PRKX: variants seen among roughly 807,000 people sequenced by gnomAD.
The protein encoded by PRKX is protein kinase cAMP-dependent X-linked catalytic subunit, also known as cAMP-dependent protein kinase catalytic subunit PRKX.
A neutral mutation model predicts 22.0 loss-of-function variants in PRKX; 12 were observed. The ratio of observed to expected loss-of-function variants is 0.54; its 90% CI spans 0.35 to 0.88. The LOEUF is 0.88. Among genes scored for constraint, PRKX ranks in the 40% least tolerant of loss-of-function variants. PRKX has a pLI of 0.01. For synonymous variants in PRKX, 134 were observed against 137.7 expected, an observed-to-expected ratio of 0.97 and a Z score of 0.19; for missense variants, 217 against 308.0, an observed-to-expected ratio of 0.70 and a Z score of 2.21.
intron 1 of PRKX, among the ~76,000 whole-genome samples, chrX:3,701,139 T>C (rs1928561010): frequency 9.0e-6 from 1 of 110,556 alleles, no homozygotes; most frequent in African/African-American, 3.3e-5. Flanking sequence ...TTCAGAATGT[T>C]GCTCTGTCAC....
At chrX:3,625,273 C>A (rs761983471) in intron 5 of PRKX, among the ~76,000 whole-genome samples, 186 of 111,781 alleles carry the variant, frequency 1.7e-3, no homozygotes, top group African/African-American at 5.6e-3. Context: ...CGTTCACCAC[C>A]AAGAAACTCA....
chrX:3,642,048 T>G, intron 3 of PRKX, 77 bp from the exon 4 acceptor site: 1 of 768,278 alleles, frequency 1.3e-6, no homozygotes, highest in Non-Finnish European at 1.9e-6. Flanking sequence ...AAGCTCTGAT[T>G]GTTACAATAA....
rs187451196 is a variant in PRKX, at chrX:3,709,833, G to C, written c.166+3255C>G. On this transcript the variant is annotated intron_variant, in intron 1 of 8. Transcript: ENST00000262848. ...AGAGAGGATCTCGCTCTATCACCCA[G>C]GCTGGAGTACGGTGGCGCGATTGTG... 3.6e-5 allele frequency among the ~76,000 whole-genome samples: 4 copies of C among 110,472 alleles called. No homozygotes were observed. In the East Asian group the frequency reaches 1.1e-3, roughly 31 times the overall value.
chrX:3,675,943 C>T (rs55852694), intron 1 of PRKX, among the ~76,000 whole-genome samples: 10,798 of 110,869 alleles, frequency 0.097, 488 homozygotes, highest in Middle Eastern at 0.14. Flanking sequence ...GGGGGTCACA[C>T]TGCGTTGCTC....
intron 1 of PRKX, among the ~76,000 whole-genome samples, chrX:3,681,157 G>C (rs913360576): frequency 2.2e-4 from 25 of 112,009 alleles, no homozygotes; most frequent in South Asian, 3.7e-4. Flanking sequence ...TGAGGTCAGA[G>C]GACTGCTTGA....
At chrX:3,642,932 A>G (rs1433427090) in intron 3 of PRKX, among the ~76,000 whole-genome samples, 4 of 91,518 alleles carry the variant, frequency 4.4e-5, no homozygotes, top group African/African-American at 1.7e-4. Context: ...CAGGAGGCGG[A>G]GGTTGCAGTG....
chrX:3,638,385 A>G lies in PRKX; in HGVS notation c.719+3467T>C, dbSNP rs765691610. On this transcript the variant is annotated intron_variant, in intron 4 of 8. Coordinates refer to ENST00000262848, the MANE Select transcript of PRKX (RefSeq NM_005044.5). ...AATAGTCTACTCTATCCTAGAATCAATAAAATTTGGGGCACACGAACCTCA... is the reference window on the plus strand; with the variant it reads ...AATAGTCTACTCTATCCTAGAATCAGTAAAATTTGGGGCACACGAACCTCA... Among the ~76,000 whole-genome samples the G allele has an allele frequency of 3.7e-3, 413 of 111,707 alleles. 2 individuals carry two copies. The highest frequency in any genetic ancestry group is 6.0e-3 in the Non-Finnish European group (317 of 53,131).
chrX:3,707,045 T>C (rs373437352), intron 1 of PRKX, among the ~76,000 whole-genome samples: 11 of 111,791 alleles, frequency 9.8e-5, no homozygotes, highest in African/African-American at 3.6e-4. Context: ...GAAGATTGCT[T>C]GAGCCTGGGA....
intron 3 of PRKX, among the ~76,000 whole-genome samples, chrX:3,653,527 G>C (rs1387317618): frequency 9.6e-6 from 1 of 104,670 alleles, no homozygotes; most frequent in African/African-American, 3.5e-5. Flanking sequence ...GGGTATGTCT[G>C]TGTGTTTCCA....
intron 1 of PRKX, among the ~76,000 whole-genome samples, chrX:3,688,014 T>C (rs763357177): frequency 8.9e-6 from 1 of 112,068 alleles, no homozygotes; most frequent in South Asian, 3.7e-4. Flanking sequence ...ATGCCTGTAA[T>C]CCCAGCTACT....
At chrX:3,696,927 C>T (rs1490752639) in intron 1 of PRKX, among the ~76,000 whole-genome samples, 3 of 111,899 alleles carry the variant, frequency 2.7e-5, no homozygotes, top group African/African-American at 9.8e-5. Context: ...GGCTGAGGCA[C>T]GAGAATCACT....
intron 6 of PRKX, among the ~76,000 whole-genome samples, chrX:3,617,211 G>A (rs1340676183): frequency 1.9e-5 from 2 of 106,360 alleles, no homozygotes; most frequent in Admixed American, 1.0e-4. Context: ...ATACATACAC[G>A]TTAATATATA....
In PRKX at chrX:3,607,977, G is replaced by T. The variant is rs1396655547; in HGVS notation, c.*992C>A. The T allele has an allele frequency of 1.9e-5, 2 of 103,924 alleles. No individual in the cohort carries two copies. The highest frequency in any genetic ancestry group is 3.9e-5 in the Non-Finnish European group (2 of 51,037). 8.6% of individuals were successfully genotyped at this position (103,924 alleles called of 1,213,427 possible). On this transcript the variant is annotated 3_prime_UTR_variant, in exon 9 of 9. Transcript: ENST00000262848. Reference sequence around the variant, plus strand: ...ATCACTGCGGCCTGGACCTCCCCAGGCTCAAGTGATCCTCTCATCTCAGCC... The same window carrying T: ...ATCACTGCGGCCTGGACCTCCCCAGTCTCAAGTGATCCTCTCATCTCAGCC...
At chrX:3,689,507 G>A (rs181636714) in intron 1 of PRKX, among the ~76,000 whole-genome samples, 4 of 111,671 alleles carry the variant, frequency 3.6e-5, no homozygotes, top group Non-Finnish European at 7.5e-5. Flanking sequence ...ACGAGACCCC[G>A]TCTCTATTAA....
intron 4 of PRKX, among the ~76,000 whole-genome samples, chrX:3,633,235 G>C (rs1167207030): frequency 1.2e-5 from 1 of 85,325 alleles, no homozygotes; most frequent in Non-Finnish European, 2.3e-5. Context: ...TCTGGACACA[G>C]AACAAGACCC....
chrX:3,640,697 G>C (rs111295953), intron 4 of PRKX, among the ~76,000 whole-genome samples: 2,039 of 111,431 alleles, frequency 0.018, 25 homozygotes, highest in Non-Finnish European at 0.029. Context: ...AAATGAGGCT[G>C]AGACCTACTG....
chrX:3,613,494 G>GT (rs1010894215), intron 7 of PRKX, among the ~76,000 whole-genome samples: 1 of 109,600 alleles, frequency 9.1e-6, no homozygotes, highest in Non-Finnish European at 1.9e-5. Context: ...TATTCAAATT[G>GT]TTTTTTTAAT....
At position 3,621,331 on chromosome X, in the gene PRKX, G is replaced by GA; in HGVS notation, c.816-16dup. 7 of 1,168,238 alleles carry GA rather than the reference G, an allele frequency of 6.0e-6. No homozygotes were observed. The Admixed American group carries it at 7.2e-5, about 12-fold the overall frequency. On this transcript the variant is annotated splice_polypyrimidine_tract_variant and intron_variant, in intron 5 of 8. Transcript: ENST00000262848. ...TAATGAGGTCTCTATGTTGGGGAAG[G>GA]AGACAAAAAAAAAAAAAGTACACAG...
In PRKX at chrX:3,607,875, CTTCTTTTTTTTTTT is replaced by C. The variant is rs1926212197; in HGVS notation, c.*1080_*1093del. On this transcript the variant is annotated 3_prime_UTR_variant, in exon 9 of 9. Transcript: ENST00000262848. ...ATCTTCAAAAGCACAAAGCCATTGC[CTTCTTTTTTTTTTT>C]TTTTTTTTTTGGACAGGGTCTCACT... 1.0e-5 allele frequency: 1 copy of C among 97,873 alleles called. No individual in the cohort carries two copies. The highest frequency in any genetic ancestry group is 1.2e-4 in the Admixed American group (1 of 8,580). The allele number at this position is 97,873 out of a possible 1,213,427, so 8.1% of individuals were successfully genotyped here. A position where few individuals can be genotyped will look rare whatever the true frequency, so the allele number is the denominator to read the frequency against.
Sources: gnomAD v4.1 joint callset for allele counts (sites outside exome capture counted in the v4.1 genomes callset) on GRCh38, gnomAD v4.1.1 for gene constraint, MANE v1.5 for transcripts, NCBI Gene and HGNC (gene_info 2026-07-23, HGNC 2026-07-21) for gene names.